ROCK2: variants seen among roughly 807,000 people sequenced by gnomAD.
ROCK2 encodes the protein Rho associated coiled-coil containing protein kinase 2.
ROCK2 carries 61 observed loss-of-function variants against 195.1 expected under a neutral mutation model. The observed-to-expected ratio is 0.31, with a 90% confidence interval of 0.25 to 0.39. The LOEUF (loss-of-function observed/expected upper bound fraction) is 0.39. Ranked by LOEUF, ROCK2 falls within the 10% of genes least tolerant of loss-of-function variation. ROCK2 has a pLI of 1.00. For missense variants in ROCK2, 1,109 were observed against 1,637.4 expected (o/e 0.68, Z 5.57); for synonymous variants, 504 against 545.5 (o/e 0.92, Z 1.06).
At chr2:11,239,796 T>G (rs1209730846) in intron 4 of ROCK2, among the ~76,000 whole-genome samples, 2 of 152,200 alleles carry the variant, frequency 1.3e-5, no homozygotes, top group African/African-American at 4.8e-5. Flanking sequence ...ACTTCAGAAA[T>G]CAGCTGCACT....
intron 4 of ROCK2, among the ~76,000 whole-genome samples, chr2:11,243,847 T>C (rs958469567): frequency 2.6e-5 from 4 of 152,212 alleles, no homozygotes; most frequent in Non-Finnish European, 5.9e-5. Flanking sequence ...AATGTATCAA[T>C]ACTGGTTCAT....
intron 6 of ROCK2, 87 bp downstream of exon 6, chr2:11,227,167 A>C (rs1664842712): frequency 1.6e-6 from 2 of 1,276,594 alleles, no homozygotes; most frequent in South Asian, 2.9e-5. Flanking sequence ...GACAAAGGCA[A>C]TTAATTTCCT....
rs10201229 is a variant in ROCK2, at chr2:11,311,609, C to T, written c.142-23873G>A. Among the ~76,000 whole-genome samples, 1,320 of 152,280 alleles carry T rather than the reference C, an allele frequency of 8.7e-3. 20 individuals carry two copies. Among genetic ancestry groups the T allele is most frequent in the African/African-American group, 0.03 (1,257 of 41,552 alleles). The stretch of plus-strand genomic sequence containing the variant: ...AATAGATTAAGGTAGTCTGCCTCAA[C>T]AGTAACTGCCAGAAGAAAACGTAAA... On this transcript the variant is annotated intron_variant, in intron 1 of 32. Transcript: ENST00000315872.
At chr2:11,296,005 GGAGAGAGAGAGAGAGAGAGAGAGA>G (rs70953384) in intron 1 of ROCK2, among the ~76,000 whole-genome samples, 1 of 10,340 alleles carries the variant, frequency 9.7e-5, no homozygotes, top group Non-Finnish European at 2.5e-4. Context: ...GAGAGAGAGA[GGAGAGAGAGAGAGAGAGAGAGAGA>G]GAGAGAGAGA....
chr2:11,236,804 C>A (rs537266012), intron 4 of ROCK2, among the ~76,000 whole-genome samples: 134 of 152,136 alleles, frequency 8.8e-4, no homozygotes, highest in African/African-American at 3.0e-3. Flanking sequence ...ATTTGAGAAA[C>A]AAAAATAATA....
chr2:11,263,690 A>G (rs1274649313), intron 3 of ROCK2, among the ~76,000 whole-genome samples: 1 of 150,516 alleles, frequency 6.6e-6, no homozygotes, highest in Non-Finnish European at 1.5e-5. Flanking sequence ...AACAAAGAGC[A>G]TGCTCTGAAA....
At chr2:11,198,863 T>C (rs986238635) in intron 23 of ROCK2, 89 bp from the exon 24 acceptor site, 94 of 783,282 alleles carry the variant, frequency 1.2e-4, no homozygotes, top group Non-Finnish European at 1.6e-4. Context: ...TCCTAGAATA[T>C]TGTTAAACCT....
At chr2:11,278,331 G>A (rs1375515651) in intron 3 of ROCK2, among the ~76,000 whole-genome samples, 1 of 152,084 alleles carries the variant, frequency 6.6e-6, no homozygotes, top group Non-Finnish European at 1.5e-5. Flanking sequence ...CTGTGCCTGG[G>A]CTAATTTCAC....
chr2:11,297,621 C>CT (rs1215790587), intron 1 of ROCK2, among the ~76,000 whole-genome samples: 1 of 151,822 alleles, frequency 6.6e-6, no homozygotes, highest in African/African-American at 2.4e-5. Context: ...GAAAAACTAA[C>CT]TTTTTTTTCC....
chr2:11,341,118 A>C (rs1011839418), intron 1 of ROCK2, among the ~76,000 whole-genome samples: 3 of 152,134 alleles, frequency 2.0e-5, no homozygotes, highest in African/African-American at 7.2e-5. Flanking sequence ...CAAAACTCTA[A>C]GTAATACTAA....
intron 3 of ROCK2, among the ~76,000 whole-genome samples, chr2:11,268,582 T>C (rs2148160648): frequency 6.6e-6 from 1 of 151,586 alleles, no homozygotes; most frequent in South Asian, 2.1e-4. Flanking sequence ...ATGACTTTTT[T>C]TCTATCAGCC....
In ROCK2 at chr2:11,214,800, A is replaced by C. The variant is rs775460477; in HGVS notation, c.1936+40T>G. 1.2e-5 allele frequency: 19 copies of C among 1,546,216 alleles called. No homozygotes were observed. In the Middle Eastern group the frequency reaches 5.1e-4, roughly 42 times the overall value. Reference sequence around the variant, plus strand: ...ATCTAAAGTTATTTTTAAAATAAGAATCATCAAAATTAATTCAAGTGCAAC... The same window carrying C: ...ATCTAAAGTTATTTTTAAAATAAGACTCATCAAAATTAATTCAAGTGCAAC... On this transcript the variant is annotated intron_variant, in intron 16 of 32. Coordinates refer to ENST00000315872, the MANE Select transcript of ROCK2 (RefSeq NM_004850.5).
chr2:11,317,573 CATTTATATATATATATAT>C (rs1668236217), intron 1 of ROCK2, among the ~76,000 whole-genome samples: 1 of 49,778 alleles, frequency 2.0e-5, no homozygotes, highest in Non-Finnish European at 3.5e-5. Flanking sequence ...CTGATCTACA[CATTTATATATATATATAT>C]ATATATATAT....
At chr2:11,317,613 T>TATATA (rs1553317465) in intron 1 of ROCK2, among the ~76,000 whole-genome samples, 756 of 20,118 alleles carry the variant, frequency 0.038, 33 homozygotes, top group Non-Finnish European at 0.046. Flanking sequence ...TATATATATA[T>TATATA]TTTTTTTTTT....
chr2:11,251,619 C>G (rs897832313), intron 3 of ROCK2, among the ~76,000 whole-genome samples: 1 of 152,182 alleles, frequency 6.6e-6, no homozygotes, highest in Non-Finnish European at 1.5e-5. Flanking sequence ...GACTTCATGA[C>G]AAAAACACCA....
intron 3 of ROCK2, among the ~76,000 whole-genome samples, chr2:11,285,970 G>A (rs1395451718): frequency 6.6e-6 from 1 of 151,794 alleles, no homozygotes; most frequent in Non-Finnish European, 1.5e-5. Context: ...AGGGGTAAAC[G>A]CTGTAGTGTG....
intron 1 of ROCK2, among the ~76,000 whole-genome samples, chr2:11,335,692 C>A (rs1249480576): frequency 6.6e-5 from 10 of 152,100 alleles, no homozygotes; most frequent in Admixed American, 2.6e-4. Flanking sequence ...ACAGAAACTC[C>A]CAATTAATAT....
chr2:11,325,740 T>G (rs1668530509), intron 1 of ROCK2, among the ~76,000 whole-genome samples: 1 of 152,192 alleles, frequency 6.6e-6, no homozygotes, highest in Non-Finnish European at 1.5e-5. Flanking sequence ...TCATAATTAG[T>G]CTGGCTGGAG....
chr2:11,297,418 C>G (rs1667570296), intron 1 of ROCK2, among the ~76,000 whole-genome samples: 1 of 152,036 alleles, frequency 6.6e-6, no homozygotes, highest in South Asian at 2.1e-4. Flanking sequence ...TTACAGAAGA[C>G]AGTCTTAATA....
Sources: gnomAD v4.1 joint callset for allele counts (sites outside exome capture counted in the v4.1 genomes callset) on GRCh38, gnomAD v4.1.1 for gene constraint, MANE v1.5 for transcripts, NCBI Gene and HGNC (gene_info 2026-07-23, HGNC 2026-07-21) for gene names.